Variants in RUSF1 observed in about 807,000 individuals in gnomAD.
The protein encoded by RUSF1 is RUS1 family protein C16orf58.
RUSF1 carries 58 observed loss-of-function variants against 63.0 expected under a neutral mutation model. The ratio of observed to expected loss-of-function variants is 0.92; its 90% CI spans 0.75 to 1.15. The LOEUF is 1.15. RUSF1 is among the 50% of genes most tolerant of loss of function. RUSF1 has a pLI of 0.00. For missense variants in RUSF1, 652 were observed against 611.0 expected, an observed-to-expected ratio of 1.07 and a Z score of -0.71; for synonymous variants, 274 against 255.8, an observed-to-expected ratio of 1.07 and a Z score of -0.68.
intron 6 of RUSF1, 42 bp from the exon 7 acceptor site, chr16:31,493,978 C>T (rs1402207738): frequency 6.3e-7 from 1 of 1,597,144 alleles, no homozygotes; most frequent in East Asian, 2.2e-5. Flanking sequence ...AGGTGCCCCT[C>T]CAGGCCAGAC....
At chr16:31,500,970 A>T (rs984984867) in intron 2 of RUSF1, among the ~76,000 whole-genome samples, 2 of 152,234 alleles carry the variant, frequency 1.3e-5, no homozygotes, top group African/African-American at 4.8e-5. Context: ...AGAATTGTTC[A>T]TAACAGCAAA....
Position 31,490,344 on chromosome 16 carries a change from T to G in RUSF1, c.*491A>C. 6.2e-7 allele frequency: 1 copy of G among 1,612,808 alleles called. No individual in the cohort carries two copies. The highest frequency in any genetic ancestry group is 8.5e-7 in the Non-Finnish European group (1 of 1,179,548). ...CCCGGCACCAAGCCTCTTCCGCCAG[T>G]GCCTGCTCTGGTTTTGTGGAATGAG... is the stretch of plus-strand genomic sequence containing the variant. On this transcript the variant is annotated 3_prime_UTR_variant, in exon 13 of 13. Transcript: ENST00000327237.
chr16:31,489,966 T>G lies in RUSF1; in HGVS notation c.*869A>C. 59 of 1,134,852 alleles carry G rather than the reference T, an allele frequency of 5.2e-5. No individual in the cohort carries two copies. The highest frequency in any genetic ancestry group is 6.3e-5 in the Non-Finnish European group (49 of 772,184). 70.3% of individuals were successfully genotyped at this position (1,134,852 alleles called of 1,614,324 possible). A position where few individuals can be genotyped will look rare whatever the true frequency, so the allele number is the denominator to read the frequency against. On this transcript the variant is annotated 3_prime_UTR_variant, in exon 13 of 13. Coordinates refer to ENST00000327237, the MANE Select transcript of RUSF1 (RefSeq NM_022744.4). ...GCAGCCATGTAGGGTGGAGTTGGCA[T>G]GAGTTAAGCCTGGGCTGGGTGTGTA...
rs2082617818 is a variant in RUSF1 at position 31,498,822 on chromosome 16, A to G, written c.600+480T>C. On this transcript the variant is annotated intron_variant, in intron 5 of 12. Coordinates refer to ENST00000327237, the MANE Select transcript of RUSF1 (RefSeq NM_022744.4). ...CCAGGCTCAGGGGAGCTCTTCCTAC[A>G]CTCCCTGACCAGGCTGGAATCCCCG... Among the ~76,000 whole-genome samples the G allele has an allele frequency of 2.0e-5, 3 of 151,542 alleles. No homozygotes were observed. The South Asian group carries it at 6.3e-4, about 32-fold the overall frequency.
intron 3 of RUSF1, among the ~76,000 whole-genome samples, chr16:31,500,028 G>C (rs1451994723): frequency 6.6e-6 from 1 of 152,164 alleles, no homozygotes; most frequent in African/African-American, 2.4e-5. Flanking sequence ...CCGACATCCA[G>C]GCCTAGGGTA....
chr16:31,491,874 T>A, intron 12 of RUSF1, 135 bp downstream of exon 12: 2 of 890,020 alleles, frequency 2.2e-6, no homozygotes, highest in Non-Finnish European at 1.7e-6. Flanking sequence ...ACTAGAATCA[T>A]AGGTGTGAGC....
chr16:31,499,431 G>A (rs1239228242), intron 4 of RUSF1, 24 bp from the exon 5 acceptor site: 1 of 1,613,632 alleles, frequency 6.2e-7, no homozygotes, highest in South Asian at 1.1e-5. Flanking sequence ...AGAGGTTAGA[G>A]GTCAGAGGTA....
chr16:31,491,761 A>T (rs1339039793), intron 12 of RUSF1, among the ~76,000 whole-genome samples: 1 of 151,342 alleles, frequency 6.6e-6, no homozygotes, highest in Non-Finnish European at 1.5e-5. Context: ...ACAAGAGCAG[A>T]ACCACACCTG....
intron 5 of RUSF1, among the ~76,000 whole-genome samples, chr16:31,497,868 C>A (rs1455299156): frequency 6.6e-6 from 1 of 152,214 alleles, no homozygotes; most frequent in Non-Finnish European, 1.5e-5. Context: ...GAAGGTCTTT[C>A]CCTAAGAGCA....
At chr16:31,507,239 C>T (rs1480926585) in intron 2 of RUSF1, among the ~76,000 whole-genome samples, 3 of 152,146 alleles carry the variant, frequency 2.0e-5, no homozygotes, top group Non-Finnish European at 2.9e-5. Context: ...TGGTACCAAA[C>T]TGTATTTTTT....
chr16:31,505,817 T>C (rs1427643070), intron 2 of RUSF1, among the ~76,000 whole-genome samples: 1 of 152,180 alleles, frequency 6.6e-6, no homozygotes, highest in African/African-American at 2.4e-5. Flanking sequence ...AGGACCCGCT[T>C]CCTGTCCTTC....
Position 31,496,975 on chromosome 16 carries a change from G to A in RUSF1, c.601-25C>T, listed in dbSNP as rs1046008769. The A allele has an allele frequency of 1.9e-6, 3 of 1,564,552 alleles. No individual in the cohort carries two copies. In the African/African-American group the frequency reaches 4.1e-5, roughly 21 times the overall value. ...ACTGGGTGGGAGGGGAAGAGAGAAG[G>A]TTGGCAGAGACACGTGTCCTGGTAA... On this transcript the variant is annotated intron_variant, in intron 5 of 12. Transcript: ENST00000327237.
chr16:31,490,110 C>G lies in RUSF1; in HGVS notation c.*725G>C. On this transcript the variant is annotated 3_prime_UTR_variant, in exon 13 of 13. Coordinates refer to ENST00000327237, the MANE Select transcript of RUSF1 (RefSeq NM_022744.4). The stretch of plus-strand genomic sequence containing the variant: ...GTGCTCCCACCCTCCCCAGCTCCAC[C>G]GCCTGGTCTTCAGTCTCCGGCATAG... The G allele has an allele frequency of 6.2e-7, 1 of 1,613,846 alleles. No homozygotes were observed. The highest frequency in any genetic ancestry group is 1.1e-5 in the South Asian group (1 of 91,052).
chr16:31,493,053 G>A lies in RUSF1; in HGVS notation c.1017-5C>T, dbSNP rs747744579. ...AGCTGCTGCAGCTCAAAGACACTGT[G>A]GGGGAGAGGACAGTGCAGTGGGGGT... On this transcript the variant is annotated splice_polypyrimidine_tract_variant and splice_region_variant and intron_variant, in intron 9 of 12. Transcript: ENST00000327237. The A allele has an allele frequency of 5.6e-6, 9 of 1,613,652 alleles. No homozygotes were observed. The East Asian group carries it at 1.1e-4, about 20-fold the overall frequency.
chr16:31,489,881 G>A lies in RUSF1; in HGVS notation c.*954C>T. On this transcript the variant is annotated 3_prime_UTR_variant, in exon 13 of 13. Coordinates refer to ENST00000327237, the MANE Select transcript of RUSF1 (RefSeq NM_022744.4). ...GACCTGAGCTGACAAAGCTGGGGGA[G>A]CAAGGCCAACGGCTTTAAACACAAG... 1 of 586,732 alleles carries A rather than the reference G, an allele frequency of 1.7e-6. No individual in the cohort carries two copies. Among genetic ancestry groups the A allele is most frequent in the South Asian group, 1.8e-5 (1 of 54,706 alleles). The allele number at this position is 586,732 out of a possible 1,614,324, so 36.3% of individuals were successfully genotyped here.
chr16:31,500,818 T>C lies in RUSF1; in HGVS notation c.416-87A>G. ...AGACCCTGGCACTGAACTGGCCAAT[T>C]CACTGAGTCACTGCCTTTGGGAACT... On this transcript the variant is annotated intron_variant, in intron 2 of 12. Transcript: ENST00000327237. 3 of 1,357,452 alleles carry C rather than the reference T, an allele frequency of 2.2e-6. 1 individual carries two copies. The South Asian group carries it at 4.2e-5, about 19-fold the overall frequency. The allele number at this position is 1,357,452 out of a possible 1,614,324, so 84.1% of individuals were successfully genotyped here.
chr16:31,489,712 G>A lies in RUSF1; in HGVS notation c.*1123C>T. 1 of 455,668 alleles carries A rather than the reference G, an allele frequency of 2.2e-6. No homozygotes were observed. The highest frequency in any genetic ancestry group is 4.1e-6 in the Non-Finnish European group (1 of 246,256). The allele number at this position is 455,668 out of a possible 1,614,324, so 28.2% of individuals were successfully genotyped here. Reference sequence around the variant, plus strand: ...AGGGCTGATGGTGGCAGGGTGGGGTGAGGACAGGACAAGAGATCTGGGTGT... The same window carrying A: ...AGGGCTGATGGTGGCAGGGTGGGGTAAGGACAGGACAAGAGATCTGGGTGT... On this transcript the variant is annotated 3_prime_UTR_variant, in exon 13 of 13. Coordinates refer to ENST00000327237, the MANE Select transcript of RUSF1 (RefSeq NM_022744.4).
Position 31,496,953 on chromosome 16 carries a change from G to A in RUSF1, c.601-3C>T. 2 of 1,597,880 alleles carry A rather than the reference G, an allele frequency of 1.3e-6. No individual in the cohort carries two copies. Among genetic ancestry groups the A allele is most frequent in the Non-Finnish European group, 1.7e-6 (2 of 1,172,934 alleles). On this transcript the variant is annotated splice_region_variant and splice_polypyrimidine_tract_variant and intron_variant, in intron 5 of 12. Transcript: ENST00000327237. The stretch of plus-strand genomic sequence containing the variant: ...CCACCAGCAACACTCACGATGCACT[G>A]GGTGGGAGGGGAAGAGAGAAGGTTG...
Position 31,490,923 on chromosome 16 carries a change from T to C in RUSF1, c.1319A>G (p.Asp440Gly). 1 of 1,614,040 alleles carries C rather than the reference T, an allele frequency of 6.2e-7. No individual in the cohort carries two copies. Among genetic ancestry groups the C allele is most frequent in the East Asian group, 2.2e-5 (1 of 44,876 alleles). ...LFPKFLKGLQ[D>G]AGWKTEKHQL... ...GTGCTTCTCGGTCTTCCAGCCGGCATCCTGCAGTCCTGGGGAGAGATCATG... is the reference window on the plus strand; with the variant it reads ...GTGCTTCTCGGTCTTCCAGCCGGCACCCTGCAGTCCTGGGGAGAGATCATG... Residue 440 changes from aspartate to glycine, a missense_variant, in exon 13 of 13, where the codon GAT becomes GGT. By Grantham distance (94) the Asp-to-Gly change is moderately conservative. Transcript: ENST00000327237.
Sources: allele counts gnomAD v4.1 joint callset (sites outside exome capture counted in the v4.1 genomes callset), GRCh38; gene constraint gnomAD v4.1.1; transcripts MANE v1.5; gene names NCBI Gene and HGNC (gene_info 2026-07-23, HGNC 2026-07-21).